IMMT: variants seen among roughly 807,000 people sequenced by gnomAD.
IMMT encodes the protein MICOS complex subunit MIC60.
Under a neutral mutation model 92.7 loss-of-function variants are expected in IMMT, and 40 were observed. That is an observed-to-expected ratio of 0.43 (90% CI 0.34 to 0.56). IMMT has a LOEUF of 0.56. IMMT is among the 20% of genes least tolerant of loss of function. The probability of loss-of-function intolerance (pLI) is 0.03; values close to 1 mark genes in which losing one functional copy is unlikely to be tolerated. For synonymous variants in IMMT, 322 were observed against 336.1 expected (o/e 0.96, Z 0.46); for missense variants, 831 against 912.1 (o/e 0.91, Z 1.14).
rs577509351 is a variant in IMMT, at chr2:86,164,771, T to C, written c.792+1737A>G. ...GAATTACAAAGCATGTAAATGTCAA[T>C]GACATATCTGGGGGCCAAAATTTAT... On this transcript the variant is annotated intron_variant, in intron 7 of 14. Transcript: ENST00000410111. Among the ~76,000 whole-genome samples, 10 of 150,882 alleles carry C rather than the reference T, an allele frequency of 6.6e-5. No individual in the cohort carries two copies. In the South Asian group the frequency reaches 2.1e-3, roughly 32 times the overall value.
Position 86,180,708 on chromosome 2 carries a change from G to A in IMMT, c.119+591C>T, listed in dbSNP as rs548172088. On this transcript the variant is annotated intron_variant, in intron 2 of 14. Coordinates refer to ENST00000410111, the MANE Select transcript of IMMT (RefSeq NM_006839.3). ...TCAAAACCAGCCTGGCCAACATGGT[G>A]AAACCCCGTCTCTACTAAAAATACA... 2.0e-5 allele frequency among the ~76,000 whole-genome samples: 3 copies of A among 147,876 alleles called. No homozygotes were observed. In the South Asian group the frequency reaches 7.1e-4, roughly 35 times the overall value.
intron 4 of IMMT, 29 bp downstream of exon 4, chr2:86,173,621 T>C: frequency 7.9e-7 from 1 of 1,266,798 alleles, no homozygotes; most frequent in Non-Finnish European, 1.1e-6. Context: ...TACCTATAAT[T>C]TTAAAAAGAT....
chr2:86,158,468 G>C lies in IMMT; in HGVS notation c.1162+124C>G, dbSNP rs74336607. The C allele has an allele frequency of 9.6e-3, 6,824 of 712,342 alleles. 46 individuals carry two copies. The highest frequency in any genetic ancestry group is 0.013 in the Non-Finnish European group (5,666 of 439,952). The allele number at this position is 712,342 out of a possible 1,614,324, so 44.1% of individuals were successfully genotyped here. A position where few individuals can be genotyped will look rare whatever the true frequency, so the allele number is the denominator to read the frequency against. On this transcript the variant is annotated intron_variant, in intron 10 of 14. Transcript: ENST00000410111. ...ATGACTGTGGTTAAAATAAAACGCT[G>C]TAACAAAAAGAGATATGCATGCATG...
chr2:86,179,920 A>G (rs1189267609), intron 2 of IMMT, among the ~76,000 whole-genome samples: 1 of 97,274 alleles, frequency 1.0e-5, no homozygotes, highest in Non-Finnish European at 2.2e-5. Context: ...TACCCACCAC[A>G]CCCTGCCAAA....
Position 86,170,799 on chromosome 2 carries a change from A to G in IMMT, c.605T>C (p.Val202Ala), listed in dbSNP as rs745988543. Residue 202 changes from valine to alanine, a missense_variant, in exon 6 of 15, where the codon GTT becomes GCT. Transcript: ENST00000410111. ...SSIRERPPEE[V>A]AARLAQQEKQ... ...TTCCTGTTGTGCAAGGCGAGCTGCA[A>G]CTTCTTCAGGTGGTCGCTCCCTTAT... 2 of 1,591,170 alleles carry G rather than the reference A, an allele frequency of 1.3e-6. No homozygotes were observed. Among genetic ancestry groups the G allele is most frequent in the East Asian group, 2.2e-5 (1 of 44,492 alleles).
At chr2:86,149,879 C>CAAAA (rs548731236) in intron 12 of IMMT, among the ~76,000 whole-genome samples, 2 of 121,376 alleles carry the variant, frequency 1.6e-5, no homozygotes, top group African/African-American at 3.1e-5. Flanking sequence ...GACTCTGTCT[C>CAAAA]AAAAAAAAAA....
intron 10 of IMMT, among the ~76,000 whole-genome samples, chr2:86,157,684 AG>A (rs1675943452): frequency 6.6e-6 from 1 of 150,562 alleles, no homozygotes; most frequent in South Asian, 2.1e-4. Flanking sequence ...GCTACTCAGT[AG>A]GCTGAGGCAG....
intron 3 of IMMT, among the ~76,000 whole-genome samples, chr2:86,176,040 A>G (rs1677405152): frequency 6.6e-6 from 1 of 152,256 alleles, no homozygotes; most frequent in African/African-American, 2.4e-5. Context: ...TGTACAGCTA[A>G]GGGCTTATGT....
At chr2:86,174,998 G>T (rs1052414606) in intron 3 of IMMT, among the ~76,000 whole-genome samples, 6 of 152,106 alleles carry the variant, frequency 3.9e-5, no homozygotes, top group Non-Finnish European at 7.4e-5. Flanking sequence ...GGTCAAAGGG[G>T]TTGTATATTT....
chr2:86,157,210 G>T (rs1423781979), intron 10 of IMMT, among the ~76,000 whole-genome samples: 1 of 152,124 alleles, frequency 6.6e-6, no homozygotes, highest in Non-Finnish European at 1.5e-5. Flanking sequence ...AAATCATACT[G>T]TCACTTTTTT....
chr2:86,159,438 G>A lies in IMMT; in HGVS notation c.1032+98C>T, dbSNP rs746249296. 5 of 1,019,814 alleles carry A rather than the reference G, an allele frequency of 4.9e-6. No homozygotes were observed. The African/African-American group carries it at 6.4e-5, about 13-fold the overall frequency. The allele number at this position is 1,019,814 out of a possible 1,614,324, so 63.2% of individuals were successfully genotyped here. ...GAATACACTTTGCAGGAGAAAAGACGGGGAGATGGTAGGAATTTGCTGTTT... is the reference window on the plus strand; with the variant it reads ...GAATACACTTTGCAGGAGAAAAGACAGGGAGATGGTAGGAATTTGCTGTTT... On this transcript the variant is annotated intron_variant, in intron 9 of 14. Coordinates refer to ENST00000410111, the MANE Select transcript of IMMT (RefSeq NM_006839.3).
chr2:86,161,642 T>A (rs1676285408), intron 8 of IMMT, among the ~76,000 whole-genome samples: 1 of 150,784 alleles, frequency 6.6e-6, no homozygotes, highest in Non-Finnish European at 1.5e-5. Context: ...GCCTCTCGAG[T>A]AGCTGGGACT....
At position 86,181,292 on chromosome 2, in the gene IMMT, T is replaced by TAC. The variant is rs773237568; in HGVS notation, c.119+5_119+6dup. The TAC allele has an allele frequency of 6.2e-7, 1 of 1,608,748 alleles. No homozygotes were observed. Among genetic ancestry groups the TAC allele is most frequent in the Non-Finnish European group, 8.5e-7 (1 of 1,175,212 alleles). On this transcript the variant is annotated splice_region_variant and intron_variant, in intron 2 of 14. Coordinates refer to ENST00000410111, the MANE Select transcript of IMMT (RefSeq NM_006839.3). ...AAAGCCTGGTTATAGGGAGACATAATACATACCCAGAGCTGCCTGAAGTAG... is the reference window on the plus strand; with the variant it reads ...AAAGCCTGGTTATAGGGAGACATAATACACATACCCAGAGCTGCCTGAAGTAG...
intron 12 of IMMT, among the ~76,000 whole-genome samples, chr2:86,148,448 A>G (rs1675201727): frequency 6.6e-6 from 1 of 151,824 alleles, no homozygotes. Context: ...CTCTACTAAA[A>G]ATACAAAAAA....
chr2:86,150,105 GAAAC>G (rs768748004), intron 12 of IMMT, among the ~76,000 whole-genome samples: 4 of 152,110 alleles, frequency 2.6e-5, no homozygotes, highest in African/African-American at 4.8e-5. Flanking sequence ...TATTTAGAGA[GAAAC>G]AAGTTGAGGG....
chr2:86,149,736 CAT>C (rs1319059400), intron 12 of IMMT, among the ~76,000 whole-genome samples: 37 of 152,102 alleles, frequency 2.4e-4, no homozygotes, highest in Admixed American at 2.4e-3. Context: ...AAATTAGCCA[CAT>C]GTGGTGGCAT....
At position 86,147,806 on chromosome 2, in the gene IMMT, T is replaced by A. The variant is rs1447076867; in HGVS notation, c.1429A>T (p.Asn477Tyr). The A allele has an allele frequency of 6.2e-7, 1 of 1,613,930 alleles. No individual in the cohort carries two copies. Among genetic ancestry groups the A allele is most frequent in the East Asian group, 2.2e-5 (1 of 44,888 alleles). Reference sequence around the variant, plus strand: ...CGGCGAAGCTGGGTTCTCATTTCATTTTCCATGGCATCTCTGACTTCTTCT... The same window carrying A: ...CGGCGAAGCTGGGTTCTCATTTCATATTCCATGGCATCTCTGACTTCTTCT... ...KIEEVRDAME[N>Y]EMRTQLRRQA... Residue 477 changes from asparagine (N) to tyrosine (Y), a missense_variant, in exon 13 of 15, where the codon AAT becomes TAT. Coordinates refer to ENST00000410111, the MANE Select transcript of IMMT (RefSeq NM_006839.3).
intron 10 of IMMT, chr2:86,158,316 C>CTTTT: frequency 4.7e-6 from 1 of 213,144 alleles, no homozygotes; most frequent in Non-Finnish European, 9.4e-6. Flanking sequence ...AAATTCCAAA[C>CTTTT]TTTTTTTTTT....
chr2:86,195,301 A>G, intron 1 of IMMT, 37 bp downstream of exon 1: 1 of 1,520,840 alleles, frequency 6.6e-7, no homozygotes, highest in Non-Finnish European at 8.8e-7. Context: ...GTTCTAGTTC[A>G]GCCTCCTCAC....
Sources: allele counts gnomAD v4.1 joint callset (sites outside exome capture counted in the v4.1 genomes callset), GRCh38; gene constraint gnomAD v4.1.1; transcripts MANE v1.5; gene names NCBI Gene and HGNC (gene_info 2026-07-23, HGNC 2026-07-21).